CLNK: variants seen among roughly 807,000 people sequenced by gnomAD.
CLNK encodes the protein cytokine dependent hematopoietic cell linker, also known as cytokine-dependent hematopoietic cell linker.
CLNK carries 74 observed loss-of-function variants against 68.6 expected under a neutral mutation model. The ratio of observed to expected loss-of-function variants is 1.08; its 90% CI spans 0.89 to 1.31. The LOEUF (loss-of-function observed/expected upper bound fraction) is 1.31, where lower values mean the gene tolerates loss of function less well. CLNK is among the 50% of genes most tolerant of loss of function. The pLI is 0.00. For synonymous variants in CLNK, 198 were observed against 172.2 expected (o/e 1.15, Z -1.17); for missense variants, 553 against 515.3 (o/e 1.07, Z -0.71).
the CLNK span, among the ~76,000 whole-genome samples, chr4:10,733,134 A>G: frequency 2.2e-4 from 33 of 151,938 alleles, no homozygotes; most frequent in Non-Finnish European, 4.4e-4. Flanking sequence ...CCCTATCCCC[A>G]GGTGATAGCC....
chr4:10,509,927 C>G (rs530347854), intron 16 of CLNK, among the ~76,000 whole-genome samples: 1 of 152,288 alleles, frequency 6.6e-6, no homozygotes, highest in South Asian at 2.1e-4. Context: ...AGCAAAGCCA[C>G]GTGACAGGCT....
At chr4:10,590,542 C>A (rs77790819) in intron 3 of CLNK, among the ~76,000 whole-genome samples, 253 of 152,272 alleles carry the variant, frequency 1.7e-3, no homozygotes, top group African/African-American at 5.8e-3. Context: ...AGCAGCGAAA[C>A]CCCTGGGAAA....
chr4:10,609,522 C>T (rs953655210), intron 2 of CLNK, among the ~76,000 whole-genome samples: 1 of 152,234 alleles, frequency 6.6e-6, no homozygotes, highest in African/African-American at 2.4e-5. Flanking sequence ...TCTACCAAAA[C>T]TCTGGATTTC....
chr4:10,505,970 A>C (rs1717274328), intron 17 of CLNK, among the ~76,000 whole-genome samples: 1 of 152,130 alleles, frequency 6.6e-6, no homozygotes, highest in Non-Finnish European at 1.5e-5. Flanking sequence ...TTGTAGATCT[A>C]TCATTTATTC....
At chr4:10,600,644 C>G (rs1299704798) in intron 2 of CLNK, among the ~76,000 whole-genome samples, 1 of 152,164 alleles carries the variant, frequency 6.6e-6, no homozygotes, top group Non-Finnish European at 1.5e-5. Context: ...TGCCTGCTTG[C>G]AGGAATGTTT....
At chr4:10,541,002 G>A (rs1402524607) in intron 10 of CLNK, among the ~76,000 whole-genome samples, 3 of 151,906 alleles carry the variant, frequency 2.0e-5, no homozygotes, top group Non-Finnish European at 4.4e-5. Flanking sequence ...ATCACCTGAG[G>A]TCAGGAATTC....
intron 2 of CLNK, among the ~76,000 whole-genome samples, chr4:10,642,945 T>C (rs1388419374): frequency 6.6e-6 from 1 of 152,208 alleles, no homozygotes; most frequent in Non-Finnish European, 1.5e-5. Flanking sequence ...ATTTGGTAAA[T>C]CTGTATTGAT....
chr4:10,604,082 T>C (rs1317464097), intron 2 of CLNK, among the ~76,000 whole-genome samples: 14 of 152,176 alleles, frequency 9.2e-5, no homozygotes, highest in Admixed American at 9.2e-4. Context: ...ATTCAATGAA[T>C]CTCATTCCCA....
At chr4:10,643,160 G>T (rs746997209) in intron 2 of CLNK, among the ~76,000 whole-genome samples, 6 of 152,124 alleles carry the variant, frequency 3.9e-5, no homozygotes, top group Non-Finnish European at 7.4e-5. Context: ...ACCTGGAAAA[G>T]AATGAATCTT....
At chr4:10,568,376 G>C (rs1720206629) in intron 5 of CLNK, among the ~76,000 whole-genome samples, 1 of 152,136 alleles carries the variant, frequency 6.6e-6, no homozygotes, top group Non-Finnish European at 1.5e-5. Context: ...GCCAAGGTCT[G>C]GGGGAAGGGG....
chr4:10,718,405 A>T, the CLNK span, among the ~76,000 whole-genome samples: 1 of 152,182 alleles, frequency 6.6e-6, no homozygotes, highest in Non-Finnish European at 1.5e-5. Flanking sequence ...AGAGAGAAAC[A>T]ATATCATATA....
rs571731697 is a variant in CLNK, at chr4:10,679,122, A to G, written c.-43+5546T>C. 1.6e-4 allele frequency among the ~76,000 whole-genome samples: 25 copies of G among 152,304 alleles called. No homozygotes were observed. The South Asian group carries it at 5.0e-3, about 30-fold the overall frequency. On this transcript the variant is annotated intron_variant, in intron 1 of 18. Transcript: ENST00000226951. The stretch of plus-strand genomic sequence containing the variant: ...ACTACCTGACTTCAAACTATACTAC[A>G]AGGCTGCAGCAACCAAAACAGCATG...
At chr4:10,564,966 C>A (rs531996455) in intron 6 of CLNK, among the ~76,000 whole-genome samples, 189 bp from the exon 7 acceptor site, 1 of 152,068 alleles carries the variant, frequency 6.6e-6, no homozygotes, top group Non-Finnish European at 1.5e-5. Flanking sequence ...TCAGTGCACA[C>A]AAAAAAATGC....
chr4:10,544,427 A>T (rs983490613), intron 8 of CLNK, among the ~76,000 whole-genome samples: 1 of 152,242 alleles, frequency 6.6e-6, no homozygotes, highest in Non-Finnish European at 1.5e-5. Context: ...TGAAGCTTAC[A>T]TTCAGTGGCA....
intron 8 of CLNK, among the ~76,000 whole-genome samples, chr4:10,545,660 C>G (rs1440269726): frequency 1.3e-5 from 2 of 152,168 alleles, no homozygotes. Context: ...CCATTAGCTT[C>G]AACACCACAT....
intron 2 of CLNK, among the ~76,000 whole-genome samples, chr4:10,655,334 C>CAGAGAGAGAGAGAGAGAGAGAGAGAG (rs148877353): frequency 2.2e-5 from 3 of 135,410 alleles, no homozygotes; most frequent in South Asian, 2.5e-4. Context: ...CCCCCAAAGA[C>CAGAGAGAGAGAGAGAGAGAGAGAGAG]AGAGAGAGAG....
the CLNK span, among the ~76,000 whole-genome samples, chr4:10,718,759 A>G: frequency 2.0e-5 from 3 of 152,126 alleles, no homozygotes; most frequent in African/African-American, 7.2e-5. Flanking sequence ...ATGGATAAAC[A>G]AAATAGATTT....
the CLNK span, among the ~76,000 whole-genome samples, chr4:10,721,599 A>T: frequency 6.6e-6 from 1 of 152,206 alleles, no homozygotes; most frequent in South Asian, 2.1e-4. Context: ...TCATTTGCTG[A>T]TGAAGTCAAT....
chr4:10,688,174 C>T (rs1272354613), upstream of CLNK, among the ~76,000 whole-genome samples: 2 of 152,124 alleles, frequency 1.3e-5, no homozygotes, highest in Non-Finnish European at 2.9e-5. Context: ...CACAGTGCCA[C>T]TGAAGTGTAG....
Sources: gnomAD v4.1 joint callset for allele counts (sites outside exome capture counted in the v4.1 genomes callset) on GRCh38, gnomAD v4.1.1 for gene constraint, MANE v1.5 for transcripts, NCBI Gene and HGNC (gene_info 2026-07-23, HGNC 2026-07-21) for gene names.